The following LRRC4C variants were observed in gnomAD, a reference collection of about 807,000 sequenced individuals.
LRRC4C encodes leucine-rich repeat-containing protein 4C.
LRRC4C carries 5 observed loss-of-function variants against 33.6 expected under a neutral mutation model. That is an observed-to-expected ratio of 0.15 (90% CI 0.08 to 0.31). The LOEUF is 0.31. Ranked by LOEUF, LRRC4C falls within the 10% of genes least tolerant of loss-of-function variation. The probability of loss-of-function intolerance (pLI) is 1.00; values close to 1 mark genes in which losing one functional copy is unlikely to be tolerated. For synonymous variants in LRRC4C, 329 were observed against 302.0 expected, an observed-to-expected ratio of 1.09 and a Z score of -0.93; for missense variants, 560 against 796.7, an observed-to-expected ratio of 0.70 and a Z score of 3.58.
chr11:41,055,626 A>C (rs1858562936), intron 1 of LRRC4C, among the ~76,000 whole-genome samples: 2 of 152,280 alleles, frequency 1.3e-5, no homozygotes, highest in South Asian at 4.1e-4. Context: ...CCAGACAGCT[A>C]GTCTCTTATC....
intron 1 of LRRC4C, among the ~76,000 whole-genome samples, chr11:41,026,734 C>T (rs1177602343): frequency 6.6e-6 from 1 of 151,510 alleles, no homozygotes; most frequent in East Asian, 1.9e-4. Flanking sequence ...AGAAAAGACC[C>T]TCCACTACAA....
chr11:40,185,831 C>T lies in LRRC4C; in HGVS notation c.-95-44978G>A, dbSNP rs182744426. Among the ~76,000 whole-genome samples the T allele has an allele frequency of 8.4e-3, 1,285 of 152,150 alleles. 9 individuals are homozygous for T. The highest frequency in any genetic ancestry group is 0.012 in the Non-Finnish European group (822 of 68,002). ...GCAGGAGAAGCACTGAGTCCCTGGA[C>T]GTCTCAGAAAGATGCAACGTCCAGG... On this transcript the variant is annotated intron_variant, in intron 5 of 6. Transcript: ENST00000528697.
At chr11:40,444,773 T>C (rs1424701463) in intron 3 of LRRC4C, among the ~76,000 whole-genome samples, 1 of 152,210 alleles carries the variant, frequency 6.6e-6, no homozygotes, top group African/African-American at 2.4e-5. Flanking sequence ...TTTTGTTATA[T>C]ACAAGGACTG....
At chr11:40,143,358 A>C (rs1857505405) in intron 5 of LRRC4C, among the ~76,000 whole-genome samples, 1 of 152,186 alleles carries the variant, frequency 6.6e-6, no homozygotes, top group African/African-American at 2.4e-5. Flanking sequence ...AGTAATATTA[A>C]AGTCCTAATG....
intron 2 of LRRC4C, among the ~76,000 whole-genome samples, chr11:40,705,584 A>G (rs1835058515): frequency 6.9e-6 from 1 of 145,834 alleles, no homozygotes; most frequent in Non-Finnish European, 1.5e-5. Context: ...TATGTGCCAC[A>G]TTTTCTTAAT....
At chr11:40,980,409 T>C (rs1852433789) in intron 1 of LRRC4C, among the ~76,000 whole-genome samples, 1 of 152,160 alleles carries the variant, frequency 6.6e-6, no homozygotes, top group African/African-American at 2.4e-5. Context: ...CTAGAACGAA[T>C]TCAATTTAGA....
intron 1 of LRRC4C, among the ~76,000 whole-genome samples, chr11:41,288,124 A>G (rs1300857990): frequency 6.6e-6 from 1 of 152,202 alleles, no homozygotes; most frequent in Non-Finnish European, 1.5e-5. Context: ...CATGAAAATC[A>G]TAATCTATGA....
At chr11:40,118,241 T>C (rs1047437924) in intron 6 of LRRC4C, among the ~76,000 whole-genome samples, 11 of 148,738 alleles carry the variant, frequency 7.4e-5, no homozygotes, top group African/African-American at 2.2e-4. Flanking sequence ...TATTAAAATA[T>C]TAACAATAAA....
chr11:40,148,216 A>G (rs1417844296), intron 5 of LRRC4C, among the ~76,000 whole-genome samples: 1 of 151,918 alleles, frequency 6.6e-6, no homozygotes, highest in Non-Finnish European at 1.5e-5. Context: ...AATGATTTGG[A>G]TCAAATGGTG....
chr11:41,188,921 G>T (rs1024964392), intron 1 of LRRC4C, among the ~76,000 whole-genome samples: 18 of 132,458 alleles, frequency 1.4e-4, no homozygotes, highest in Non-Finnish European at 2.3e-4. Context: ...CCAAAAAAAA[G>T]TATAATTTAT....
chr11:41,043,068 CTTTTTTTTTT>C, intron 1 of LRRC4C, among the ~76,000 whole-genome samples: 1 of 75,822 alleles, frequency 1.3e-5, no homozygotes, highest in Non-Finnish European at 2.4e-5. Context: ...CAGAATAGAC[CTTTTTTTTTT>C]TTTTTTTTTT....
chr11:40,230,398 C>A (rs1351653084), intron 5 of LRRC4C, among the ~76,000 whole-genome samples: 1 of 152,098 alleles, frequency 6.6e-6, no homozygotes, highest in African/African-American at 2.4e-5. Flanking sequence ...GGGTGTGTAC[C>A]ATGCACATGT....
intron 3 of LRRC4C, among the ~76,000 whole-genome samples, chr11:40,414,254 T>C (rs1157084327): frequency 6.6e-6 from 1 of 152,112 alleles, no homozygotes; most frequent in African/African-American, 2.4e-5. Flanking sequence ...AGAGGATTGG[T>C]ATTTAAATGA....
intron 1 of LRRC4C, among the ~76,000 whole-genome samples, chr11:41,074,470 C>T (rs1294920327): frequency 6.6e-6 from 1 of 152,188 alleles, no homozygotes; most frequent in African/African-American, 2.4e-5. Flanking sequence ...CAGTTTTCCC[C>T]ATACAGAGCA....
chr11:41,139,913 G>A (rs1218647268), intron 1 of LRRC4C, among the ~76,000 whole-genome samples: 1 of 152,052 alleles, frequency 6.6e-6, no homozygotes, highest in Admixed American at 6.6e-5. Flanking sequence ...GAATTGCCTT[G>A]CTCTAAGAAA....
chr11:40,295,743 G>A (rs1944480082), intron 4 of LRRC4C, among the ~76,000 whole-genome samples: 1 of 152,150 alleles, frequency 6.6e-6, no homozygotes, highest in African/African-American at 2.4e-5. Flanking sequence ...TCTTTTTGGA[G>A]AGCTTTGATG....
At chr11:40,834,425 C>T (rs563889695) in intron 2 of LRRC4C, among the ~76,000 whole-genome samples, 1 of 149,460 alleles carries the variant, frequency 6.7e-6, no homozygotes, top group African/African-American at 2.5e-5. Flanking sequence ...GAGCCAAGAT[C>T]GTGCCACTGC....
At chr11:40,196,785 A>G (rs567479611) in intron 5 of LRRC4C, among the ~76,000 whole-genome samples, 5 of 152,322 alleles carry the variant, frequency 3.3e-5, no homozygotes, top group Admixed American at 6.5e-5. Context: ...TAAAAGATCT[A>G]TTACTCTGTA....
rs141164706 is a variant in LRRC4C, at chr11:40,488,281, T to TC, written c.-270+159860dup. On this transcript the variant is annotated intron_variant, in intron 3 of 6. Coordinates refer to ENST00000528697, the MANE Select transcript of LRRC4C (RefSeq NM_001258419.2). ...AAAGCACGCATACAGGGTGTTTTTT[T>TC]CCCCCCCCCACTTAAAGGAAAATAT... Among the ~76,000 whole-genome samples, 1,057 of 150,734 alleles carry TC rather than the reference T, an allele frequency of 7.0e-3. 2 individuals carry two copies. Among genetic ancestry groups the TC allele is most frequent in the East Asian group, 0.016 (80 of 5,118 alleles).
Sources: allele counts gnomAD v4.1 joint callset (sites outside exome capture counted in the v4.1 genomes callset), GRCh38; gene constraint gnomAD v4.1.1; transcripts MANE v1.5; gene names NCBI Gene and HGNC (gene_info 2026-07-23, HGNC 2026-07-21).